The following PLEKHA4 variants were observed in gnomAD, a reference collection of about 807,000 sequenced individuals.
The protein encoded by PLEKHA4 is pleckstrin homology domain containing A4.
In PLEKHA4, 73 loss-of-function variants were observed where a neutral mutation model predicts 94.7. The ratio of observed to expected loss-of-function variants is 0.77; its 90% CI spans 0.64 to 0.94. The LOEUF is 0.94. Among genes scored for constraint, PLEKHA4 ranks in the 40% least tolerant of loss-of-function variants. The pLI, the probability that PLEKHA4 is intolerant of heterozygous loss-of-function variation, is 0.00. For synonymous variants in PLEKHA4, 449 were observed against 437.1 expected, an observed-to-expected ratio of 1.03 and a Z score of -0.34; for missense variants, 1,049 against 1,054.1, an observed-to-expected ratio of 1.00 and a Z score of 0.07.
At position 48,848,047 on chromosome 19, in the gene PLEKHA4, G is replaced by A; in HGVS notation, c.1426-7C>T. 6.2e-7 allele frequency: 1 copy of A among 1,613,106 alleles called. No homozygotes were observed. Among genetic ancestry groups the A allele is most frequent in the Non-Finnish European group, 8.5e-7 (1 of 1,179,872 alleles). On this transcript the variant is annotated splice_polypyrimidine_tract_variant and splice_region_variant and intron_variant, in intron 13 of 19. Transcript: ENST00000263265. ...GCTGAGCAGACACTCTGTCCTGCAG[G>A]GAGGAAAGGAATTTGTTACTTAAAG...
chr19:48,865,519 C>G lies in PLEKHA4; in HGVS notation c.176G>C (p.Gly59Ala), dbSNP rs1191647501. Residue 59 changes from glycine to alanine, a missense_variant, in exon 3 of 20, where the codon GGC becomes GCC. Coordinates refer to ENST00000263265, the MANE Select transcript of PLEKHA4 (RefSeq NM_020904.3). The part of the protein sequence containing the change: ...RDPNLPVHIR[G>A]WLHKQDSSGL... ...TGACCCCACCTGCTTATGAAGCCAG[C>G]CTCGGATGTGCACGGGAAGGTTGGG... 5.0e-6 allele frequency: 8 copies of G among 1,613,954 alleles called. No individual in the cohort carries two copies. Among genetic ancestry groups the G allele is most frequent in the Non-Finnish European group, 6.8e-6 (8 of 1,179,922 alleles).
In PLEKHA4 at chr19:48,852,223, T is replaced by C; in HGVS notation, c.1425+5A>G. 6.2e-7 allele frequency: 1 copy of C among 1,613,028 alleles called. No homozygotes were observed. The highest frequency in any genetic ancestry group is 8.5e-7 in the Non-Finnish European group (1 of 1,179,136). On this transcript the variant is annotated splice_donor_5th_base_variant and intron_variant, in intron 13 of 19. Transcript: ENST00000263265. ...GGGTCTTGGGGTCTCCAAGCAGCGA[T>C]TTACCTGGGGAGAACCAAGGTGCAG...
At chr19:48,859,358 C>T in intron 7 of PLEKHA4, 111 bp downstream of exon 7, 1 of 1,177,880 alleles carries the variant, frequency 8.5e-7, no homozygotes, top group Non-Finnish European at 1.2e-6. Context: ...CCCACGGGAG[C>T]CCCAGCAAGT....
At chr19:48,855,753 C>T in intron 9 of PLEKHA4, among the ~76,000 whole-genome samples, 1 of 151,864 alleles carries the variant, frequency 6.6e-6, no homozygotes. Context: ...TGCACCACTG[C>T]ACTCCAGCCT....
chr19:48,847,967 G>A lies in PLEKHA4; in HGVS notation c.1499C>T (p.Pro500Leu), dbSNP rs371447195. 6.8e-6 allele frequency: 11 copies of A among 1,612,980 alleles called. No individual in the cohort carries two copies. The highest frequency in any genetic ancestry group is 1.7e-5 in the Admixed American group (1 of 59,818). ...GGAGTCAGGCTCAGTGTGTGGGGGC[G>A]GTTTCTGGGGGCCACCCAGACCTGC... ...TLAGLGGPQKPPPHTEPDSPS... is the reference protein window; with the variant it reads ...TLAGLGGPQKLPPHTEPDSPS... The change falls in exon 14 of 20, where the codon CCG becomes CTG. Residue 500 changes from proline to leucine, a missense_variant. Transcript: ENST00000263265.
chr19:48,863,749 T>C lies in PLEKHA4; in HGVS notation c.192+1754A>G, dbSNP rs559104211. On this transcript the variant is annotated intron_variant, in intron 3 of 19. Transcript: ENST00000263265. Reference sequence around the variant, plus strand: ...CACCACGCCCAGCCTAATTTTTGTATTTTTAGTAGAGATGGGGTTTCACCA... The same window carrying C: ...CACCACGCCCAGCCTAATTTTTGTACTTTTAGTAGAGATGGGGTTTCACCA... Among the ~76,000 whole-genome samples the C allele has an allele frequency of 4.6e-5, 7 of 152,140 alleles. No individual in the cohort carries two copies. In the East Asian group the frequency reaches 1.4e-3, roughly 29 times the overall value.
intron 3 of PLEKHA4, among the ~76,000 whole-genome samples, chr19:48,864,548 C>T (rs1279627276): frequency 6.6e-6 from 1 of 152,038 alleles, no homozygotes; most frequent in African/African-American, 2.4e-5. Context: ...CGTTCAAGCA[C>T]ATCATATTCC....
rs10407029 is a variant in PLEKHA4 at position 48,837,601 on chromosome 19, C to A, written c.2078-50G>T. The stretch of plus-strand genomic sequence containing the variant: ...GAATGGCAAACCTCAGCGCTAGGAC[C>A]CCGGATTCCCAGCCCCTCCTCCCTC... On this transcript the variant is annotated intron_variant, in intron 19 of 19. Transcript: ENST00000263265. This position sits in a 1 kb window ranked among gnomAD's most constrained non-coding sequence, Gnocchi z 4.3. 11 of 1,598,980 alleles carry A rather than the reference C, an allele frequency of 6.9e-6. No homozygotes were observed. The Admixed American group carries it at 1.7e-4, about 25-fold the overall frequency.
chr19:48,860,351 A>G lies in PLEKHA4; in HGVS notation c.475T>C (p.Tyr159His), dbSNP rs755328957. ...GRASRAEGDD[Y>H]GQPRSPARPQ... ...AGCATGGCTTGGACCTCTACTCACT[A>G]GTCGTCCCCCTCCGCACGGGAGGCC... The change falls in exon 6 of 20, where the codon TAT becomes CAT. Residue 159 changes from tyrosine (Y) to histidine (H), a missense_variant and splice_region_variant. Tyr to His is a moderately conservative substitution (Grantham distance 83, BLOSUM62 2). Coordinates refer to ENST00000263265, the MANE Select transcript of PLEKHA4 (RefSeq NM_020904.3). 24 of 1,612,680 alleles carry G rather than the reference A, an allele frequency of 1.5e-5. No homozygotes were observed. Among genetic ancestry groups the G allele is most frequent in the Non-Finnish European group, 1.9e-5 (22 of 1,179,132 alleles).
Position 48,854,200 on chromosome 19 carries a change from G to T in PLEKHA4, c.1095+17C>A, listed in dbSNP as rs552599694. 6 of 1,613,672 alleles carry T rather than the reference G, an allele frequency of 3.7e-6. No individual in the cohort carries two copies. Among genetic ancestry groups the T allele is most frequent in the Non-Finnish European group, 5.1e-6 (6 of 1,179,714 alleles). On this transcript the variant is annotated intron_variant, in intron 10 of 19. Transcript: ENST00000263265. ...AACTCTGGGAACTCAGCAAGGATTA[G>T]ATCAGTGACAACTTACATCTGTCTC...
intron 8 of PLEKHA4, 127 bp from the exon 9 acceptor site, chr19:48,857,623 C>G (rs1452444481): frequency 1.8e-5 from 11 of 625,022 alleles, no homozygotes; most frequent in East Asian, 3.2e-5. Context: ...ACCCCCAACC[C>G]TGTGCTCTCT....
rs200243212 is a variant in PLEKHA4, at chr19:48,857,441, C to G, written c.1028G>C (p.Arg343Pro). The G allele has an allele frequency of 6.4e-7, 1 of 1,552,722 alleles. No homozygotes were observed. Among genetic ancestry groups the G allele is most frequent in the Non-Finnish European group, 8.7e-7 (1 of 1,154,250 alleles). Residue 343 changes from arginine to proline, a missense_variant, in exon 9 of 20, where the codon CGG becomes CCG. Physicochemically the swap from Arg to Pro is moderately radical, Grantham distance 103. Transcript: ENST00000263265. ...LQLPPRPPGTRASMVLLPGPP... is the reference protein window; with the variant it reads ...LQLPPRPPGTPASMVLLPGPP... Reference sequence around the variant, plus strand: ...ACCTACCAATAAAACCATGGAGGCCCGGGTCCCAGGGGGCCGCGGGGGGAG... The same window carrying G: ...ACCTACCAATAAAACCATGGAGGCCGGGGTCCCAGGGGGCCGCGGGGGGAG...
intron 7 of PLEKHA4, 121 bp from the exon 8 acceptor site, chr19:48,859,260 T>TTAGAATCCTCCTCTAC: frequency 1.1e-6 from 1 of 936,856 alleles, no homozygotes; most frequent in Non-Finnish European, 1.6e-6. Context: ...TCCCACTGGG[T>TTAGAATCCTCCTCTAC]TAGAATCCTC....
At chr19:48,855,863 T>C (rs548495848) in intron 9 of PLEKHA4, among the ~76,000 whole-genome samples, 2 of 151,562 alleles carry the variant, frequency 1.3e-5, no homozygotes, top group Admixed American at 6.6e-5. Flanking sequence ...ACCCTGTCTC[T>C]ACAAAAAGTA....
chr19:48,863,464 TC>T (rs1416485755), intron 3 of PLEKHA4, among the ~76,000 whole-genome samples: 3 of 149,986 alleles, frequency 2.0e-5, no homozygotes, highest in Non-Finnish European at 4.4e-5. Flanking sequence ...GAGTCTTCGC[TC>T]TGTCACCCAG....
intron 9 of PLEKHA4, 37 bp downstream of exon 9, chr19:48,857,385 G>A (rs962572128): frequency 2.3e-6 from 2 of 855,230 alleles, no homozygotes; most frequent in Non-Finnish European, 3.7e-6. Flanking sequence ...GGAAGGGAGG[G>A]GGCTCCGGTA....
At position 48,860,354 on chromosome 19, in the gene PLEKHA4, C is replaced by G. The variant is rs781700663; in HGVS notation, c.472G>C (p.Asp158His). 3.1e-6 allele frequency: 5 copies of G among 1,612,420 alleles called. No homozygotes were observed. Among genetic ancestry groups the G allele is most frequent in the Middle Eastern group, 1.6e-4 (1 of 6,082 alleles). The change falls in exon 6 of 20, where the codon GAC becomes CAC. Residue 158 changes from aspartate (D) to histidine (H), a missense_variant. Coordinates refer to ENST00000263265, the MANE Select transcript of PLEKHA4 (RefSeq NM_020904.3). ...ATGGCTTGGACCTCTACTCACTAGT[C>G]GTCCCCCTCCGCACGGGAGGCCCGG... is the stretch of plus-strand genomic sequence containing the variant. ...LGRASRAEGD[D>H]YGQPRSPARP...
At position 48,859,476 on chromosome 19, in the gene PLEKHA4, T is replaced by TC; in HGVS notation, c.684dup (p.Ser229GlufsTer49). 2 of 1,613,780 alleles carry TC rather than the reference T, an allele frequency of 1.2e-6. No individual in the cohort carries two copies. Reference sequence around the variant, plus strand: ...CATGTCCTCCCTACTCACTCGGGGCTCCTCGCCCTCCGCATCTGGAGTCCA... The same window carrying TC: ...CATGTCCTCCCTACTCACTCGGGGCTCCCTCGCCCTCCGCATCTGGAGTCCA... On this transcript the variant is annotated frameshift_variant, in exon 7 of 20. Coordinates refer to ENST00000263265, the MANE Select transcript of PLEKHA4 (RefSeq NM_020904.3). LOFTEE classifies it high-confidence loss of function.
rs761810634 is a variant in PLEKHA4 at position 48,859,681 on chromosome 19, C to A, written c.480G>T (p.Gly160=). The part of the protein sequence containing the change: ...RASRAEGDDY[G]QPRSPARPQP... ...GGGGTCGTGCAGGTGACCTGGGTTG[C>A]CCACTAGCGAGTGGACATAGACAAG... The change falls in exon 7 of 20, where the codon GGG becomes GGT. Residue 160 remains glycine (G), a synonymous_variant. Coordinates refer to ENST00000263265, the MANE Select transcript of PLEKHA4 (RefSeq NM_020904.3). 1.9e-6 allele frequency: 3 copies of A among 1,610,960 alleles called. No individual in the cohort carries two copies. Among genetic ancestry groups the A allele is most frequent in the Non-Finnish European group, 2.5e-6 (3 of 1,179,678 alleles).
Sources: gnomAD v4.1 joint callset for allele counts (sites outside exome capture counted in the v4.1 genomes callset) on GRCh38, gnomAD v4.1.1 for gene constraint, Gnocchi (gnomAD v3.1) non-coding constraint, MANE v1.5 for transcripts, NCBI Gene and HGNC (gene_info 2026-07-23, HGNC 2026-07-21) for gene names.